PGM2L1: variants seen among roughly 807,000 people sequenced by gnomAD.
PGM2L1 encodes the protein phosphoglucomutase 2 like 1.
A neutral mutation model predicts 73.4 loss-of-function variants in PGM2L1; 35 were observed. The observed-to-expected ratio is 0.48, with a 90% CI of 0.36 to 0.63. The LOEUF is 0.63. Ranked by LOEUF, PGM2L1 falls within the 30% of genes least tolerant of loss-of-function variation. PGM2L1 has a pLI of 0.00. For synonymous variants in PGM2L1, 225 were observed against 253.8 expected (o/e 0.89, Z 1.08); for missense variants, 570 against 742.0 (o/e 0.77, Z 2.69).
chr11:74,343,347 G>A lies in PGM2L1; in HGVS notation c.1288C>T (p.Leu430Phe). The change falls in exon 10 of 14, where the codon CTT becomes TTT. Residue 430 changes from leucine to phenylalanine, a missense_variant. Coordinates refer to ENST00000298198, the MANE Select transcript of PGM2L1 (RefSeq NM_173582.6). ...IDLLENGKEV[L>F]FAFEESIGFL... ...CCAATAGACTCTTCAAATGCAAAAA[G>A]GACTTCTTTCCCATTTTCCAGGAGG... is the stretch of plus-strand genomic sequence containing the variant. 4.4e-6 allele frequency: 7 copies of A among 1,607,500 alleles called. No homozygotes were observed. The highest frequency in any genetic ancestry group is 5.1e-6 in the Non-Finnish European group (6 of 1,178,254).
chr11:74,398,162 G>A lies in PGM2L1; in HGVS notation c.-1C>T, dbSNP rs774171929. On this transcript the variant is annotated 5_prime_UTR_variant, in exon 1 of 14. Transcript: ENST00000298198. ...GATCCCCCTCTGTGTTTTCAGCCAT[G>A]GCGACCAGACAGGCGTACGGGCCGG... 1 of 1,609,070 alleles carries A rather than the reference G, an allele frequency of 6.2e-7. No individual in the cohort carries two copies. Among genetic ancestry groups the A allele is most frequent in the Non-Finnish European group, 8.5e-7 (1 of 1,177,190 alleles).
intron 1 of PGM2L1, among the ~76,000 whole-genome samples, chr11:74,377,138 CTTT>C (rs34347042): frequency 2.1e-5 from 3 of 142,598 alleles, no homozygotes; most frequent in Admixed American, 7.0e-5. Context: ...ATTATTATTT[CTTT>C]TTTTTTTTTT....
intron 1 of PGM2L1, among the ~76,000 whole-genome samples, chr11:74,380,688 A>G (rs1862929921): frequency 6.6e-6 from 1 of 152,200 alleles, no homozygotes; most frequent in African/African-American, 2.4e-5. Flanking sequence ...TAAAAAAACT[A>G]TAATTTTAAC....
At chr11:74,368,386 C>A in intron 5 of PGM2L1, 106 bp downstream of exon 5, 1 of 920,440 alleles carries the variant, frequency 1.1e-6, no homozygotes, top group Non-Finnish European at 1.7e-6. Flanking sequence ...TTTCTGTTCC[C>A]AATGTCTAGC....
At chr11:74,348,466 T>C (rs1227081867) in intron 6 of PGM2L1, among the ~76,000 whole-genome samples, 1 of 152,190 alleles carries the variant, frequency 6.6e-6, no homozygotes, top group Non-Finnish European at 1.5e-5. Flanking sequence ...TCAAGATATA[T>C]TACTTTACAT....
intron 1 of PGM2L1, among the ~76,000 whole-genome samples, chr11:74,388,089 G>C (rs1303552616): frequency 6.6e-6 from 1 of 152,016 alleles, no homozygotes; most frequent in Non-Finnish European, 1.5e-5. Flanking sequence ...ACTTATATGA[G>C]GTATCTAAAA....
intron 5 of PGM2L1, among the ~76,000 whole-genome samples, chr11:74,353,483 G>GCCTT (rs1490476237): frequency 1.3e-5 from 2 of 151,600 alleles, no homozygotes; most frequent in Non-Finnish European, 2.9e-5. Flanking sequence ...GGACCCTGCG[G>GCCTT]CCTTCCGCAG....
At position 74,381,354 on chromosome 11, in the gene PGM2L1, C is replaced by G. The variant is rs944517267; in HGVS notation, c.112-6772G>C. ...CCTACTCCCCCACCACTCCTCTTTC[C>G]CCATTTACCCATTAAACAGAGAGGA... is the stretch of plus-strand genomic sequence containing the variant. On this transcript the variant is annotated intron_variant, in intron 1 of 13. Transcript: ENST00000298198. 2.6e-5 allele frequency among the ~76,000 whole-genome samples: 4 copies of G among 152,156 alleles called. No homozygotes were observed. The South Asian group carries it at 8.3e-4, about 32-fold the overall frequency.
chr11:74,356,520 T>G (rs1347791992), intron 5 of PGM2L1, among the ~76,000 whole-genome samples: 2 of 152,184 alleles, frequency 1.3e-5, no homozygotes, highest in African/African-American at 2.4e-5. Context: ...GACTCAATTA[T>G]TAAAATATCG....
Position 74,348,181 on chromosome 11 carries a change from C to T in PGM2L1, c.750-844G>A, listed in dbSNP as rs376920879. On this transcript the variant is annotated intron_variant, in intron 6 of 13. Coordinates refer to ENST00000298198, the MANE Select transcript of PGM2L1 (RefSeq NM_173582.6). Reference sequence around the variant, plus strand: ...GTCCCCATCAATTCTCACTTGAGAACTTTAGTACATGGATAATTCTCTCTC... The same window carrying T: ...GTCCCCATCAATTCTCACTTGAGAATTTTAGTACATGGATAATTCTCTCTC... Among the ~76,000 whole-genome samples, 46 of 152,252 alleles carry T rather than the reference C, an allele frequency of 3.0e-4. No homozygotes were observed. The South Asian group carries it at 9.1e-3, about 30-fold the overall frequency.
At position 74,398,339 on chromosome 11, in the gene PGM2L1, G is replaced by GGGT; in HGVS notation, c.-181_-179dup. ...CGGCGTCAGGGAACCGGGAGAGAGG[G>GGGT]GGTTTATGGCCGCCTGCTCCCCAGC... On this transcript the variant is annotated 5_prime_UTR_variant, in exon 1 of 14. Transcript: ENST00000298198. The GGGT allele has an allele frequency of 1.0e-6, 1 of 997,016 alleles. No individual in the cohort carries two copies. Among genetic ancestry groups the GGGT allele is most frequent in the Non-Finnish European group, 1.4e-6 (1 of 737,598 alleles). 61.8% of individuals were successfully genotyped at this position (997,016 alleles called of 1,614,324 possible).
At chr11:74,377,852 A>G (rs1349092692) in intron 1 of PGM2L1, among the ~76,000 whole-genome samples, 1 of 152,000 alleles carries the variant, frequency 6.6e-6, no homozygotes, top group East Asian at 1.9e-4. Flanking sequence ...TAAAACATAT[A>G]TTGGCTTTCT....
Position 74,351,430 on chromosome 11 carries a change from G to A in PGM2L1, c.702C>T (p.Asp234=), listed in dbSNP as rs1198091191. The change falls in exon 6 of 14, where the codon GAC becomes GAT. Residue 234 remains aspartate, a synonymous_variant. Coordinates refer to ENST00000298198, the MANE Select transcript of PGM2L1 (RefSeq NM_173582.6). ...TSPLKRDPLQ[D]ICRRYMEDLK... The stretch of plus-strand genomic sequence containing the variant: ...GATCTTCCATGTATCTCCTGCAAAT[G>A]TCCTGCAGAGGGTCTCTCTTCAGCG... 1.2e-5 allele frequency: 19 copies of A among 1,613,726 alleles called. No individual in the cohort carries two copies. The East Asian group carries it at 4.2e-4, about 36-fold the overall frequency.
intron 1 of PGM2L1, among the ~76,000 whole-genome samples, chr11:74,381,973 T>G (rs1019600678): frequency 1.3e-5 from 2 of 151,884 alleles, no homozygotes; most frequent in Non-Finnish European, 1.5e-5. Context: ...ACCTAAAAAT[T>G]TATTAAGAAT....
At position 74,342,934 on chromosome 11, in the gene PGM2L1, C is replaced by G; in HGVS notation, c.1393G>C (p.Glu465Gln). ...TGTTTCAATGTTATATTCATGGTTTCCAGGTAAGATGCCATCTCAGCAACC... is the reference window on the plus strand; with the variant it reads ...TGTTTCAATGTTATATTCATGGTTTGCAGGTAAGATGCCATCTCAGCAACC... Reference protein sequence around the residue: ...VVVAEMASYLETMNITLKQQL... With the variant: ...VVVAEMASYLQTMNITLKQQL... Residue 465 changes from glutamate to glutamine, a missense_variant, in exon 11 of 14, where the codon GAA (glutamate) becomes CAA (glutamine). Transcript: ENST00000298198. 1.2e-6 allele frequency: 2 copies of G among 1,610,870 alleles called. No individual in the cohort carries two copies. Among genetic ancestry groups the G allele is most frequent in the Non-Finnish European group, 1.7e-6 (2 of 1,178,442 alleles).
At chr11:74,374,117 C>T (rs1349204973) in intron 2 of PGM2L1, among the ~76,000 whole-genome samples, 1 of 150,988 alleles carries the variant, frequency 6.6e-6, no homozygotes, top group Non-Finnish European at 1.5e-5. Context: ...CAGAGTCTCG[C>T]TCTGTTGCCA....
At chr11:74,368,147 A>G (rs1300424452) in intron 5 of PGM2L1, among the ~76,000 whole-genome samples, 1 of 152,200 alleles carries the variant, frequency 6.6e-6, no homozygotes, top group Non-Finnish European at 1.5e-5. Flanking sequence ...AGGATAAGGT[A>G]CCATTCCTCT....
In PGM2L1 at chr11:74,368,579, A is replaced by C; in HGVS notation, c.472-4T>G. 6.2e-7 allele frequency: 1 copy of C among 1,611,086 alleles called. No individual in the cohort carries two copies. The highest frequency in any genetic ancestry group is 8.5e-7 in the Non-Finnish European group (1 of 1,177,504). ...TGAGCTTCTGAACTGCATATGGCTG[A>C]AAAATAAATAACACCATAATTCCAT... On this transcript the variant is annotated splice_polypyrimidine_tract_variant and splice_region_variant and intron_variant, in intron 4 of 13. Transcript: ENST00000298198.
chr11:74,396,608 G>T (rs1565448135), intron 1 of PGM2L1, among the ~76,000 whole-genome samples: 1 of 152,118 alleles, frequency 6.6e-6, no homozygotes, highest in African/African-American at 2.4e-5. Flanking sequence ...TAGAGACGGG[G>T]TTTCACCATG....
Sources: allele counts gnomAD v4.1 joint callset (sites outside exome capture counted in the v4.1 genomes callset), GRCh38; gene constraint gnomAD v4.1.1; transcripts MANE v1.5; gene names NCBI Gene and HGNC (gene_info 2026-07-23, HGNC 2026-07-21).